BICRAL: variants seen among roughly 807,000 people sequenced by gnomAD.
The protein encoded by BICRAL is BICRA like chromatin remodeling complex associated protein, also known as BRD4-interacting chromatin-remodeling complex-associated protein-like.
A neutral mutation model predicts 91.8 loss-of-function variants in BICRAL; 8 were observed. The ratio of observed to expected loss-of-function variants is 0.09; its 90% CI spans 0.05 to 0.16. The LOEUF (loss-of-function observed/expected upper bound fraction) is 0.16. Ranked by LOEUF, BICRAL falls within the 10% of genes least tolerant of loss-of-function variation. The pLI, the probability that BICRAL is intolerant of heterozygous loss-of-function variation, is 1.00. For missense variants in BICRAL, 1,038 were observed against 1,310.9 expected, an observed-to-expected ratio of 0.79 and a Z score of 3.21; for synonymous variants, 445 against 491.1, an observed-to-expected ratio of 0.91 and a Z score of 1.24.
At chr6:42,845,211 T>G (rs12211001) in intron 6 of BICRAL, among the ~76,000 whole-genome samples, 3 of 46,304 alleles carry the variant, frequency 6.5e-5, no homozygotes, top group Admixed American at 2.2e-4. Flanking sequence ...TTTTTTTTTT[T>G]TTTTTTTTTT....
chr6:42,783,784 C>T (rs918551981), intron 1 of BICRAL, among the ~76,000 whole-genome samples: 1 of 152,212 alleles, frequency 6.6e-6, no homozygotes, highest in Non-Finnish European at 1.5e-5. Flanking sequence ...TGATGGGTTC[C>T]CTCCCTGACC....
chr6:42,839,296 T>A (rs930448574), intron 6 of BICRAL, among the ~76,000 whole-genome samples: 1 of 152,028 alleles, frequency 6.6e-6, no homozygotes, highest in African/African-American at 2.4e-5. Context: ...GTTGTTAGGA[T>A]TTTTAAAATT....
At chr6:42,765,040 T>C in intron 1 of BICRAL, among the ~76,000 whole-genome samples, 1 of 152,330 alleles carries the variant, frequency 6.6e-6, no homozygotes, top group East Asian at 1.9e-4. Flanking sequence ...AAGTGTTTGT[T>C]GAATTGGATA....
chr6:42,754,081 T>C (rs1349809631), intron 1 of BICRAL, among the ~76,000 whole-genome samples: 2 of 151,384 alleles, frequency 1.3e-5, no homozygotes, highest in African/African-American at 4.9e-5. Flanking sequence ...CATGAGCCAC[T>C]ACACTTCATG....
chr6:42,791,143 C>G (rs1310984601), intron 1 of BICRAL, among the ~76,000 whole-genome samples: 1 of 151,950 alleles, frequency 6.6e-6, no homozygotes, highest in Non-Finnish European at 1.5e-5. Flanking sequence ...CAACTTTGTT[C>G]TGGTTTGTTG....
chr6:42,756,972 G>C (rs1488089772), intron 1 of BICRAL, among the ~76,000 whole-genome samples: 1 of 123,932 alleles, frequency 8.1e-6, no homozygotes, highest in African/African-American at 3.2e-5. Context: ...TTGTTATTCA[G>C]TAGTGGAGTT....
chr6:42,793,296 ATTTTTTTTTTTTTTTTTTTTTTTTTT>A, intron 1 of BICRAL, among the ~76,000 whole-genome samples: 1 of 22,974 alleles, frequency 4.4e-5, no homozygotes, highest in East Asian at 1.8e-3. Context: ...GACCCAGCTA[ATTTTTTTTTTTTTTTTTTTTTTTTTT>A]TTTGTATTTT....
At chr6:42,837,046 G>A (rs1764662471) in intron 6 of BICRAL, among the ~76,000 whole-genome samples, 1 of 151,952 alleles carries the variant, frequency 6.6e-6, no homozygotes, top group Non-Finnish European at 1.5e-5. Flanking sequence ...CCAGGTTCAA[G>A]CGATTCTCCT....
At chr6:42,834,264 A>G (rs891568723) in intron 6 of BICRAL, among the ~76,000 whole-genome samples, 1 of 152,206 alleles carries the variant, frequency 6.6e-6, no homozygotes, top group African/African-American at 2.4e-5. Context: ...TCAGGATGTG[A>G]ATTTGTCCCA....
chr6:42,792,996 C>A lies in BICRAL; in HGVS notation c.-102+10895C>A, dbSNP rs1355573305. ...TTGAGATGGAATCTCACTCTGTTGC[C>A]CAGGCTGGAGTGCAGTGGCACAATC... On this transcript the variant is annotated intron_variant, in intron 1 of 12. Coordinates refer to ENST00000314073, the MANE Select transcript of BICRAL (RefSeq NM_001393499.1). Among the ~76,000 whole-genome samples, 14 of 148,792 alleles carry A rather than the reference C, an allele frequency of 9.4e-5. 1 individual carries two copies. In the Admixed American group the frequency reaches 9.7e-4, roughly 10 times the overall value.
At chr6:42,756,882 C>T (rs912205913) in intron 1 of BICRAL, among the ~76,000 whole-genome samples, 1 of 149,338 alleles carries the variant, frequency 6.7e-6, no homozygotes, top group African/African-American at 2.5e-5. Flanking sequence ...CTCTCGCGCG[C>T]GCGCTCTCTC....
At position 42,831,745 on chromosome 6, in the gene BICRAL, CT is replaced by C. The variant is rs34966748; in HGVS notation, c.1839+1586del. 7.8e-3 allele frequency among the ~76,000 whole-genome samples: 1,133 copies of C among 144,614 alleles called. 7 individuals are homozygous for C. The highest frequency in any genetic ancestry group is 0.023 in the African/African-American group (916 of 39,398). 94.9% of individuals were successfully genotyped at this position (144,614 alleles called of 152,430 possible). The stretch of plus-strand genomic sequence containing the variant: ...TATATACGTCAACATATTTCAAAAT[CT>C]TTTTTTTTTTTTGAGACAGTCTCAC... On this transcript the variant is annotated intron_variant, in intron 6 of 12. Transcript: ENST00000314073.
chr6:42,828,902 A>G lies in BICRAL; in HGVS notation c.569A>G (p.Gln190Arg). The G allele has an allele frequency of 6.2e-7, 1 of 1,614,132 alleles. No homozygotes were observed. The highest frequency in any genetic ancestry group is 8.5e-7 in the Non-Finnish European group (1 of 1,179,952). ...NTVGVQHGFM[Q>R]HVGISVPSQH... ...GTGGGTGTACAACATGGCTTTATGC[A>G]ACATGTGGGGATCAGTGTTCCCAGC... is the stretch of plus-strand genomic sequence containing the variant. Residue 190 changes from glutamine (Q) to arginine (R), a missense_variant, in exon 6 of 13, where the codon CAA becomes CGA. Physicochemically the swap from Gln to Arg is conservative, Grantham distance 43 (BLOSUM62 1). Transcript: ENST00000314073.
intron 1 of BICRAL, among the ~76,000 whole-genome samples, chr6:42,802,799 T>G (rs988622777): frequency 6.6e-6 from 1 of 152,020 alleles, no homozygotes; most frequent in Non-Finnish European, 1.5e-5. Context: ...CAGACTGGTC[T>G]TGAACTCATG....
intron 8 of BICRAL, 77 bp downstream of exon 8, chr6:42,853,815 T>C (rs1309881154): frequency 9.0e-7 from 1 of 1,108,222 alleles, no homozygotes; most frequent in Non-Finnish European, 1.4e-6. Flanking sequence ...ATCTTTGTGG[T>C]TGCTGGCTAG....
chr6:42,847,114 G>A (rs924898325), intron 6 of BICRAL, among the ~76,000 whole-genome samples: 7 of 152,148 alleles, frequency 4.6e-5, no homozygotes, highest in African/African-American at 1.4e-4. Context: ...GCCAGGTACA[G>A]TGGCGCATGC....
chr6:42,793,725 T>C (rs920409289), intron 1 of BICRAL, among the ~76,000 whole-genome samples: 1 of 151,944 alleles, frequency 6.6e-6, no homozygotes, highest in African/African-American at 2.4e-5. Flanking sequence ...AACTGGGATG[T>C]TTTTGGCGCT....
chr6:42,791,676 C>T (rs533546350), intron 1 of BICRAL, among the ~76,000 whole-genome samples: 3 of 152,090 alleles, frequency 2.0e-5, no homozygotes, highest in Non-Finnish European at 2.9e-5. Context: ...GTTGCACAGG[C>T]GTGTCTCAAA....
At chr6:42,803,290 A>T (rs1169042145) in intron 1 of BICRAL, among the ~76,000 whole-genome samples, 1 of 152,240 alleles carries the variant, frequency 6.6e-6, no homozygotes, top group Non-Finnish European at 1.5e-5. Flanking sequence ...GTGGATCTTT[A>T]AAACTTGTAT....
Sources: allele counts gnomAD v4.1 joint callset (sites outside exome capture counted in the v4.1 genomes callset), GRCh38; gene constraint gnomAD v4.1.1; transcripts MANE v1.5; gene names NCBI Gene and HGNC (gene_info 2026-07-23, HGNC 2026-07-21).